TTC16: variants seen among roughly 807,000 people sequenced by gnomAD.
TTC16 encodes the protein tetratricopeptide repeat protein 16.
TTC16 carries 66 observed loss-of-function variants against 80.4 expected under a neutral mutation model. That is an observed-to-expected ratio of 0.82 (90% CI 0.67 to 1.01). The LOEUF (loss-of-function observed/expected upper bound fraction) is 1.01. Among genes scored for constraint, TTC16 ranks in the 50% least tolerant of loss-of-function variants. The pLI, the probability that TTC16 is intolerant of heterozygous loss-of-function variation, is 0.00. For missense variants in TTC16, 1,070 were observed against 1,103.2 expected (o/e 0.97, Z 0.43); for synonymous variants, 438 against 451.3 (o/e 0.97, Z 0.37).
intron 6 of TTC16, among the ~76,000 whole-genome samples, chr9:127,720,882 C>A (rs1843435542): frequency 4.0e-4 from 1 of 2,512 alleles, no homozygotes; most frequent in Non-Finnish European, 7.9e-4. Flanking sequence ...CCTCCCCCTT[C>A]CCCTTCCTCC....
intron 4 of TTC16, among the ~76,000 whole-genome samples, chr9:127,719,106 G>A (rs1352530266): frequency 6.6e-6 from 1 of 151,722 alleles, no homozygotes; most frequent in Non-Finnish European, 1.5e-5. Context: ...AGCTACTTGG[G>A]AGGCTGAGGC....
At position 127,722,813 on chromosome 9, in the gene TTC16, C is replaced by T. The variant is rs1843607959; in HGVS notation, c.658-306C>T. Among the ~76,000 whole-genome samples the T allele has an allele frequency of 6.6e-6, 1 of 151,834 alleles. No individual in the cohort carries two copies. The highest frequency in any genetic ancestry group is 1.5e-5 in the Non-Finnish European group (1 of 67,926). On this transcript the variant is annotated intron_variant, in intron 6 of 13. Transcript: ENST00000373289. The surrounding 1 kb of genome is among the most constrained non-coding windows in gnomAD (Gnocchi z 4.2). The stretch of plus-strand genomic sequence containing the variant: ...TCTACTAAAAAATAATACAAAAATA[C>T]AAAAATTAGCCAGGTGTGGTGGCAC...
chr9:127,731,316 T>A lies in TTC16; in HGVS notation c.2533T>A (p.Ser845Thr). ...CAAGAGCCAGGGCATGAGCTCAACT[T>A]CCAGCAAGGCCGAGTCCACCTGGGG... ...QGKSQGMSST[S>T]SKAESTWGPS... Residue 845 changes from serine (S) to threonine (T), a missense_variant, in exon 14 of 14, where the codon TCC (serine) becomes ACC (threonine). Ser to Thr is a moderately conservative substitution (Grantham distance 58). Transcript: ENST00000373289. The A allele has an allele frequency of 6.2e-7, 1 of 1,613,084 alleles. No homozygotes were observed. The highest frequency in any genetic ancestry group is 1.1e-5 in the South Asian group (1 of 91,088).
chr9:127,726,865 GC>G, intron 10 of TTC16, 104 bp from the exon 11 acceptor site: 1 of 1,293,698 alleles, frequency 7.7e-7, no homozygotes, highest in Non-Finnish European at 1.1e-6. Flanking sequence ...TCCTTCTTCA[GC>G]CCTGGGAAGG....
At position 127,730,904 on chromosome 9, in the gene TTC16, C is replaced by T. The variant is rs760094771; in HGVS notation, c.2121C>T (p.Ser707=). The change falls in exon 14 of 14, where the codon TCC becomes TCT. Residue 707 remains serine (S), a synonymous_variant. Transcript: ENST00000373289. ...KTKATIHKRN[S]SKTKATQSQR... ...AGGCCACTATACACAAGAGGAACTC[C>T]AGCAAGACCAAGGCCACCCAAAGCC... is the stretch of plus-strand genomic sequence containing the variant. 2 of 1,612,924 alleles carry T rather than the reference C, an allele frequency of 1.2e-6. No individual in the cohort carries two copies. Among genetic ancestry groups the T allele is most frequent in the Non-Finnish European group, 1.7e-6 (2 of 1,179,832 alleles).
Position 127,729,675 on chromosome 9 carries a change from C to T in TTC16, c.1852+7C>T. 3 of 1,612,952 alleles carry T rather than the reference C, an allele frequency of 1.9e-6. No individual in the cohort carries two copies. The highest frequency in any genetic ancestry group is 2.2e-5 in the East Asian group (1 of 44,882). ...TCAGCCTCCAGCATGAGCTGTAAGT[C>T]CCTGGTGCTTCCGCCAGGCCTCAGG... On this transcript the variant is annotated splice_region_variant and intron_variant, in intron 13 of 13. Coordinates refer to ENST00000373289, the MANE Select transcript of TTC16 (RefSeq NM_144965.3).
chr9:127,720,425 C>G, intron 6 of TTC16, 30 bp downstream of exon 6: 1 of 1,609,020 alleles, frequency 6.2e-7, no homozygotes, highest in Non-Finnish European at 8.5e-7. Flanking sequence ...CAGGGGCATG[C>G]CCCCCAACCT....
chr9:127,716,207 C>G, intron 1 of TTC16, 44 bp downstream of exon 1: 2 of 1,613,560 alleles, frequency 1.2e-6, no homozygotes, highest in Non-Finnish European at 8.5e-7. Context: ...GAGGGCCAGG[C>G]AGAGAGACCG....
Position 127,726,222 on chromosome 9 carries a change from C to T in TTC16, c.1260-17C>T, listed in dbSNP as rs200734996. On this transcript the variant is annotated splice_polypyrimidine_tract_variant and intron_variant, in intron 9 of 13. Coordinates refer to ENST00000373289, the MANE Select transcript of TTC16 (RefSeq NM_144965.3). ...TGGCCCAGCTCATAGCAGCTTGGGA[C>T]CCACTGTGTCGTGCAGGCAGTTCCA... 3.2e-6 allele frequency: 5 copies of T among 1,558,672 alleles called. No homozygotes were observed. The highest frequency in any genetic ancestry group is 4.4e-6 in the Non-Finnish European group (5 of 1,146,664).
chr9:127,721,340 G>A (rs1342310425), intron 6 of TTC16, among the ~76,000 whole-genome samples: 1 of 152,086 alleles, frequency 6.6e-6, no homozygotes, highest in Non-Finnish European at 1.5e-5. Flanking sequence ...TAGTCATGAG[G>A]GCGGCAAGGA....
chr9:127,724,680 G>A, intron 8 of TTC16, 76 bp from the exon 9 acceptor site: 1 of 1,542,770 alleles, frequency 6.5e-7, no homozygotes, highest in Non-Finnish European at 8.7e-7. Context: ...CCTGGCCCCC[G>A]GGCTGGAGCC....
chr9:127,730,272 T>C, intron 13 of TTC16: 1 of 319,690 alleles, frequency 3.1e-6, no homozygotes, highest in Non-Finnish European at 5.9e-6. Flanking sequence ...AGCCGGGGTG[T>C]GGGTGCATTT....
At chr9:127,717,060 A>G in intron 2 of TTC16, 44 bp downstream of exon 2, 1 of 1,601,748 alleles carries the variant, frequency 6.2e-7, no homozygotes, top group Non-Finnish European at 8.5e-7. Flanking sequence ...CCTGCCCGAC[A>G]CAGCCATTCA....
In TTC16 at chr9:127,720,311, G is replaced by A. The variant is rs146888126; in HGVS notation, c.573G>A (p.Thr191=). The change falls in exon 6 of 14, where the codon ACG becomes ACA. Residue 191 remains threonine, a synonymous_variant. Coordinates refer to ENST00000373289, the MANE Select transcript of TTC16 (RefSeq NM_144965.3). ...TCAAGCAGCATCAGGCCTGCCTCAC[G>A]CTCATCACCAACGAGCTGAAGCAGG... ...LALKQHQACL[T]LITNELKQDT... is the part of the protein sequence containing the mutation. 125 of 1,613,258 alleles carry A rather than the reference G, an allele frequency of 7.7e-5. No homozygotes were observed. Among genetic ancestry groups the A allele is most frequent in the Non-Finnish European group, 9.5e-5 (112 of 1,179,994 alleles).
chr9:127,725,259 G>A (rs1843842508), intron 9 of TTC16, among the ~76,000 whole-genome samples: 1 of 151,944 alleles, frequency 6.6e-6, no homozygotes, highest in African/African-American at 2.4e-5. Context: ...GAGCGACAGA[G>A]TGAGACTCTG....
Position 127,724,184 on chromosome 9 carries a change from G to C in TTC16, c.937G>C (p.Asp313His). The C allele has an allele frequency of 6.2e-7, 1 of 1,613,320 alleles. No homozygotes were observed. The highest frequency in any genetic ancestry group is 2.2e-5 in the East Asian group (1 of 44,882). Reference sequence around the variant, plus strand: ...AGTGGAGGACTTCCTGAAGGTGCTGGACATGGTGACCGAGGACCAGGAGGA... The same window carrying C: ...AGTGGAGGACTTCCTGAAGGTGCTGCACATGGTGACCGAGGACCAGGAGGA... The part of the protein sequence containing the change: ...GAVEDFLKVL[D>H]MVTEDQEDMV... Residue 313 changes from aspartate (D) to histidine (H), a missense_variant, in exon 8 of 14, where the codon GAC becomes CAC. By Grantham distance (81) the Asp-to-His change is moderately conservative (BLOSUM62 -1). Coordinates refer to ENST00000373289, the MANE Select transcript of TTC16 (RefSeq NM_144965.3).
At chr9:127,725,442 T>C (rs1304520436) in intron 9 of TTC16, among the ~76,000 whole-genome samples, 3 of 148,976 alleles carry the variant, frequency 2.0e-5, no homozygotes, top group African/African-American at 7.4e-5. Context: ...TGGGCGCCTA[T>C]AGTCCCAGCT....
At chr9:127,724,980 T>G in intron 9 of TTC16, 83 bp downstream of exon 9, 1 of 1,405,872 alleles carries the variant, frequency 7.1e-7, no homozygotes, top group South Asian at 1.5e-5. Context: ...GATCCCTGGG[T>G]CAATCAAGCT....
Position 127,724,345 on chromosome 9 carries a change from ACT to A in TTC16, c.1101_1102del (p.Tyr368HisfsTer126). On this transcript the variant is annotated frameshift_variant, in exon 8 of 14. Transcript: ENST00000373289. LOFTEE classifies it high-confidence loss of function. ...TCCGGGACGAGCAGCAGGAGAAAGG[ACT>A]CTACATCAACCGAGGCGGTGCGCAG... ...ALRDEQQEKG[L>X]YINRGDCFFQ... 1 of 1,611,000 alleles carries A rather than the reference ACT, an allele frequency of 6.2e-7. No individual in the cohort carries two copies.
Sources: gnomAD v4.1 joint callset for allele counts (sites outside exome capture counted in the v4.1 genomes callset) on GRCh38, gnomAD v4.1.1 for gene constraint, Gnocchi (gnomAD v3.1) non-coding constraint, MANE v1.5 for transcripts, NCBI Gene and HGNC (gene_info 2026-07-23, HGNC 2026-07-21) for gene names.